The following GDA variants were observed in gnomAD, a reference collection of about 807,000 sequenced individuals.
The protein encoded by GDA is guanine deaminase, also known as cytoplasmic PSD-95 interactor.
In GDA, 18 loss-of-function variants were observed where a neutral mutation model predicts 59.6. That is an observed-to-expected ratio of 0.30 (90% CI 0.21 to 0.45). GDA has a LOEUF of 0.45. Among genes scored for constraint, GDA ranks in the 20% least tolerant of loss-of-function variants. GDA has a pLI of 1.00. For missense variants in GDA, 427 were observed against 552.3 expected (o/e 0.77, Z 2.27); for synonymous variants, 201 against 201.1 (o/e 1.00, Z 0.00).
chr9:72,200,568 C>T (rs2131329116), intron 2 of GDA, among the ~76,000 whole-genome samples: 1 of 150,558 alleles, frequency 6.6e-6, no homozygotes, highest in East Asian at 2.0e-4. Flanking sequence ...CTCCACAGGG[C>T]TTGGCGGTTT....
chr9:72,207,111 T>C (rs929135690), intron 3 of GDA, among the ~76,000 whole-genome samples: 5 of 152,316 alleles, frequency 3.3e-5, no homozygotes, highest in African/African-American at 9.6e-5. Flanking sequence ...GAAATTGTAA[T>C]TGTTGATCAT....
intron 4 of GDA, among the ~76,000 whole-genome samples, chr9:72,212,576 C>T (rs1490542317): frequency 1.3e-5 from 2 of 152,102 alleles, no homozygotes; most frequent in Admixed American, 6.5e-5. Flanking sequence ...CAACCCTACA[C>T]ATAGCAGAGA....
chr9:72,204,158 A>G (rs1236624955), intron 3 of GDA, among the ~76,000 whole-genome samples: 2 of 152,170 alleles, frequency 1.3e-5, no homozygotes, highest in Non-Finnish European at 2.9e-5. Flanking sequence ...GTAATTATAA[A>G]TTCAGTGCAA....
intron 10 of GDA, among the ~76,000 whole-genome samples, chr9:72,235,774 T>C (rs1838916072): frequency 6.6e-6 from 1 of 151,514 alleles, no homozygotes; most frequent in Admixed American, 6.6e-5. Context: ...ATATTAGAGA[T>C]AACTACTTGA....
chr9:72,210,211 T>C (rs1001875155), intron 3 of GDA, among the ~76,000 whole-genome samples: 2 of 152,238 alleles, frequency 1.3e-5, no homozygotes, highest in African/African-American at 2.4e-5. Context: ...TCTCCTCTCA[T>C]GTTCTTCTTG....
intron 1 of GDA, among the ~76,000 whole-genome samples, chr9:72,174,610 G>A (rs1413191355): frequency 1.3e-5 from 2 of 152,154 alleles, no homozygotes; most frequent in Non-Finnish European, 1.5e-5. Flanking sequence ...TTAATTGGGA[G>A]TGGGACCAGG....
intron 2 of GDA, chr9:72,197,432 G>T (rs1170431581): frequency 6.6e-6 from 1 of 152,140 alleles, no homozygotes; most frequent in Non-Finnish European, 1.5e-5. Context: ...GACATTTATA[G>T]TCTCCTGCTT....
chr9:72,126,681 C>T (rs1825860495), intron 1 of GDA, among the ~76,000 whole-genome samples: 1 of 151,428 alleles, frequency 6.6e-6, no homozygotes. Flanking sequence ...ATTCTCCTAC[C>T]TCAGCCTCCC....
intron 2 of GDA, among the ~76,000 whole-genome samples, chr9:72,200,425 CTCT>C (rs1833842650): frequency 6.8e-6 from 1 of 147,964 alleles, no homozygotes; most frequent in Non-Finnish European, 1.5e-5. Flanking sequence ...CGTCCTTTTC[CTCT>C]TCTCCTCCTC....
intron 10 of GDA, among the ~76,000 whole-genome samples, chr9:72,233,071 T>A (rs1410882337): frequency 2.6e-5 from 4 of 152,192 alleles, no homozygotes; most frequent in Non-Finnish European, 5.9e-5. Flanking sequence ...CTTTTTGCAA[T>A]TTAGTCACCC....
intron 3 of GDA, among the ~76,000 whole-genome samples, chr9:72,209,668 C>G (rs1452291569): frequency 6.6e-6 from 1 of 152,158 alleles, no homozygotes; most frequent in African/African-American, 2.4e-5. Context: ...GACATACATT[C>G]ATACTGTGAT....
At chr9:72,223,691 T>C (rs964739073) in intron 7 of GDA, among the ~76,000 whole-genome samples, 7 of 152,246 alleles carry the variant, frequency 4.6e-5, no homozygotes, top group African/African-American at 1.7e-4. Flanking sequence ...AAATCCCTTT[T>C]GTTCTGAGTT....
intron 1 of GDA, among the ~76,000 whole-genome samples, chr9:72,155,695 G>C (rs1349491470): frequency 6.6e-6 from 1 of 152,214 alleles, no homozygotes; most frequent in African/African-American, 2.4e-5. Flanking sequence ...CAGGATAAAT[G>C]CATTGAAGAG....
intron 1 of GDA, among the ~76,000 whole-genome samples, chr9:72,190,029 C>T (rs1252037928): frequency 6.6e-6 from 1 of 152,126 alleles, no homozygotes; most frequent in Non-Finnish European, 1.5e-5. Context: ...AGGGATGAAG[C>T]TCTAATCAGT....
upstream of GDA, chr9:72,149,421 C>T (rs978080435): frequency 9.8e-7 from 1 of 1,020,416 alleles, no homozygotes; most frequent in South Asian, 1.7e-5. Flanking sequence ...TACCGGCAAC[C>T]GCCCGGGTAA....
intron 10 of GDA, among the ~76,000 whole-genome samples, chr9:72,237,790 TG>T (rs1261867225): frequency 1.3e-5 from 2 of 152,146 alleles, no homozygotes; most frequent in Non-Finnish European, 2.9e-5. Flanking sequence ...TCATTATCTT[TG>T]GGACCTTCTT....
Position 72,195,517 on chromosome 9 carries a change from A to G in GDA, c.141A>G (p.Glu47=), listed in dbSNP as rs757324168. 1 of 1,518,906 alleles carries G rather than the reference A, an allele frequency of 6.6e-7. No homozygotes were observed. Among genetic ancestry groups the G allele is most frequent in the Non-Finnish European group, 9.1e-7 (1 of 1,102,262 alleles). The allele number at this position is 1,518,906 out of a possible 1,614,324, so 94.1% of individuals were successfully genotyped here. A position where few individuals can be genotyped will look rare whatever the true frequency, so the allele number is the denominator to read the frequency against. The change falls in exon 2 of 14, where the codon GAA becomes GAG. Residue 47 remains glutamate, a synonymous_variant. Transcript: ENST00000358399. ...TTTTAAAGATAGTGTTTTTAGAAGA[A>G]GCATCTCAACAGGAAAAACTGGCCA... ...SDSGKIVFLE[E]ASQQEKLAKE... is the part of the protein sequence containing the mutation.
intron 1 of GDA, among the ~76,000 whole-genome samples, chr9:72,152,634 GTTGT>G (rs1327325814): frequency 6.6e-6 from 1 of 152,086 alleles, no homozygotes; most frequent in Non-Finnish European, 1.5e-5. Context: ...TTTTGATGGG[GTTGT>G]TTGTTTTTTT....
intron 1 of GDA, among the ~76,000 whole-genome samples, chr9:72,190,685 T>C (rs1563995793): frequency 6.6e-6 from 1 of 152,202 alleles, no homozygotes; most frequent in Non-Finnish European, 1.5e-5. Context: ...CTAATTCTAT[T>C]CTACTTCCCT....
Sources: allele counts gnomAD v4.1 joint callset (sites outside exome capture counted in the v4.1 genomes callset), GRCh38; gene constraint gnomAD v4.1.1; transcripts MANE v1.5; gene names NCBI Gene and HGNC (gene_info 2026-07-23, HGNC 2026-07-21).